ANO2: variants seen among roughly 807,000 people sequenced by gnomAD.
ANO2 encodes anoctamin 2, also known as anoctamin-2.
Under a neutral mutation model 124.2 loss-of-function variants are expected in ANO2, and 101 were observed. The observed-to-expected ratio is 0.81, with a 90% CI of 0.69 to 0.96. The LOEUF (loss-of-function observed/expected upper bound fraction) is 0.96. Ranked by LOEUF, ANO2 falls within the 40% of genes least tolerant of loss-of-function variation. The probability of loss-of-function intolerance (pLI) is 0.00; values close to 1 mark genes in which losing one functional copy is unlikely to be tolerated. For synonymous variants in ANO2, 486 were observed against 482.5 expected (o/e 1.01, Z -0.09); for missense variants, 1,293 against 1,274.5 (o/e 1.01, Z -0.22).
In ANO2 at chr12:5,792,365, C is replaced by T. The variant is rs1156727208; in HGVS notation, c.1055+7142G>A. The stretch of plus-strand genomic sequence containing the variant: ...TAGGGAACTCTTCCTTGTTTAAGTC[C>T]GACTTTATAAAGACGCCTCTCCAAA... On this transcript the variant is annotated intron_variant, in intron 10 of 24. Coordinates refer to ENST00000682330, the MANE Select transcript of ANO2 (RefSeq NM_001364791.2). 2.6e-5 allele frequency among the ~76,000 whole-genome samples: 4 copies of T among 152,150 alleles called. No individual in the cohort carries two copies. In the South Asian group the frequency reaches 6.2e-4, roughly 24 times the overall value.
intron 10 of ANO2, among the ~76,000 whole-genome samples, chr12:5,755,638 G>A (rs375704623): frequency 6.6e-5 from 10 of 151,910 alleles, no homozygotes; most frequent in African/African-American, 2.2e-4. Flanking sequence ...TCCCACCAAT[G>A]AGTGAGAACA....
intron 3 of ANO2, among the ~76,000 whole-genome samples, chr12:5,881,211 C>T (rs1938481097): frequency 6.6e-6 from 1 of 152,188 alleles, no homozygotes; most frequent in Non-Finnish European, 1.5e-5. Flanking sequence ...CTATCCCCCT[C>T]TCTGTGGCAG....
intron 13 of ANO2, among the ~76,000 whole-genome samples, chr12:5,734,525 C>G (rs922165020): frequency 6.6e-6 from 1 of 152,254 alleles, no homozygotes; most frequent in Non-Finnish European, 1.5e-5. Flanking sequence ...CTGATTATCT[C>G]TGGCTTTCCA....
intron 14 of ANO2, among the ~76,000 whole-genome samples, chr12:5,701,994 C>A (rs910631728): frequency 1.3e-5 from 2 of 151,296 alleles, no homozygotes; most frequent in East Asian, 1.9e-4. Context: ...AATTTCCAAC[C>A]GAATTAAAAT....
At chr12:5,863,080 G>T (rs1955321271) in intron 3 of ANO2, among the ~76,000 whole-genome samples, 1 of 152,044 alleles carries the variant, frequency 6.6e-6, no homozygotes, top group South Asian at 2.1e-4. Context: ...ACCGTGATTG[G>T]GAGGCCTTCC....
intron 10 of ANO2, among the ~76,000 whole-genome samples, chr12:5,763,104 T>C (rs1341715286): frequency 1.3e-5 from 2 of 152,022 alleles, no homozygotes; most frequent in Non-Finnish European, 2.9e-5. Context: ...AAACATTTTC[T>C]AAAATCAAAT....
At chr12:5,615,023 G>A (rs1360376140) in intron 17 of ANO2, among the ~76,000 whole-genome samples, 163 bp downstream of exon 17, 3 of 152,154 alleles carry the variant, frequency 2.0e-5, no homozygotes, top group Non-Finnish European at 4.4e-5. Flanking sequence ...CAAAATGATT[G>A]CCTGCTAACA....
chr12:5,621,462 C>G (rs536665750), intron 16 of ANO2, among the ~76,000 whole-genome samples: 4 of 152,120 alleles, frequency 2.6e-5, no homozygotes, highest in South Asian at 2.1e-4. Flanking sequence ...TCAAACTCAC[C>G]GACCTAACAT....
intron 16 of ANO2, among the ~76,000 whole-genome samples, chr12:5,633,549 C>T (rs1025785338): frequency 6.6e-6 from 1 of 151,938 alleles, no homozygotes; most frequent in Non-Finnish European, 1.5e-5. Context: ...GAGTCCTCAG[C>T]CTGGCATTTT....
chr12:5,850,062 C>G (rs1273206495), intron 4 of ANO2, among the ~76,000 whole-genome samples: 1 of 152,130 alleles, frequency 6.6e-6, no homozygotes, highest in Non-Finnish European at 1.5e-5. Context: ...TATATCCCCC[C>G]TCATCTGTGT....
At chr12:5,576,268 T>G (rs545339865) in intron 22 of ANO2, among the ~76,000 whole-genome samples, 1 of 152,268 alleles carries the variant, frequency 6.6e-6, no homozygotes, top group Admixed American at 6.5e-5. Flanking sequence ...GCTAAGTCAA[T>G]TTGGACCATT....
intron 14 of ANO2, among the ~76,000 whole-genome samples, chr12:5,653,271 G>C (rs1360897402): frequency 2.0e-5 from 3 of 152,124 alleles, no homozygotes; most frequent in Non-Finnish European, 4.4e-5. Flanking sequence ...AATAACAAGA[G>C]GGCCAGGAAT....
intron 14 of ANO2, among the ~76,000 whole-genome samples, chr12:5,711,681 T>C (rs1028126023): frequency 1.3e-5 from 2 of 152,190 alleles, no homozygotes; most frequent in African/African-American, 4.8e-5. Flanking sequence ...TGCCTGTACA[T>C]GCTCAAAAAT....
intron 3 of ANO2, among the ~76,000 whole-genome samples, chr12:5,895,169 A>T (rs1333454437): frequency 6.6e-6 from 1 of 152,094 alleles, no homozygotes; most frequent in Non-Finnish European, 1.5e-5. Context: ...TATTTCCTTC[A>T]GCAGTGGTTT....
At chr12:5,869,762 T>C (rs1276669895) in intron 3 of ANO2, among the ~76,000 whole-genome samples, 2 of 152,162 alleles carry the variant, frequency 1.3e-5, no homozygotes, top group East Asian at 3.9e-4. Context: ...ATAGCCATGG[T>C]GCTGAGAGTG....
intron 3 of ANO2, among the ~76,000 whole-genome samples, chr12:5,870,060 C>T (rs1955530283): frequency 2.0e-5 from 3 of 152,080 alleles, no homozygotes; most frequent in Admixed American, 2.0e-4. Flanking sequence ...AGAGTAAGTA[C>T]CAAAGACTTG....
At chr12:5,629,292 G>T (rs937125602) in intron 16 of ANO2, among the ~76,000 whole-genome samples, 3 of 152,202 alleles carry the variant, frequency 2.0e-5, no homozygotes, top group Non-Finnish European at 2.9e-5. Flanking sequence ...GCCATCAGCT[G>T]TGCCTCCTCC....
intron 1 of ANO2, among the ~76,000 whole-genome samples, chr12:5,927,047 T>A (rs746209171): frequency 7.9e-5 from 12 of 152,176 alleles, no homozygotes; most frequent in Admixed American, 2.0e-4. Flanking sequence ...TGCTGCCTCC[T>A]TCATCCGTCT....
chr12:5,939,213 CAAAAAAA>C (rs34787622), intron 1 of ANO2, among the ~76,000 whole-genome samples: 2 of 86,178 alleles, frequency 2.3e-5, no homozygotes, highest in East Asian at 8.1e-4. Flanking sequence ...AAGACTCCAA[CAAAAAAA>C]AAAAAAAAAA....
Sources: gnomAD v4.1 joint callset for allele counts (sites outside exome capture counted in the v4.1 genomes callset) on GRCh38, gnomAD v4.1.1 for gene constraint, MANE v1.5 for transcripts, NCBI Gene and HGNC (gene_info 2026-07-23, HGNC 2026-07-21) for gene names.